ACTN3: variants seen among roughly 807,000 people sequenced by gnomAD.
ACTN3 encodes the protein alpha-actinin-3.
In ACTN3, 91 loss-of-function variants were observed where a neutral mutation model predicts 119.6. The ratio of observed to expected loss-of-function variants is 0.76; its 90% CI spans 0.64 to 0.91. The LOEUF (loss-of-function observed/expected upper bound fraction) is 0.91. Ranked by LOEUF, ACTN3 falls within the 40% of genes least tolerant of loss-of-function variation. The probability of loss-of-function intolerance (pLI) is 0.00; values close to 1 mark genes in which losing one functional copy is unlikely to be tolerated. For missense variants in ACTN3, 1,221 were observed against 1,215.1 expected (o/e 1.00, Z -0.07); for synonymous variants, 456 against 478.8 (o/e 0.95, Z 0.62).
At chr11:66,559,500 T>TA in intron 12 of ACTN3, 114 bp downstream of exon 12, 1 of 1,125,358 alleles carries the variant, frequency 8.9e-7, no homozygotes, top group Non-Finnish European at 1.2e-6. Flanking sequence ...CTGGGTTCTG[T>TA]AACCCCGCCG....
chr11:66,556,421 C>T (rs1300940292), intron 8 of ACTN3, among the ~76,000 whole-genome samples, 191 bp downstream of exon 8: 1 of 152,190 alleles, frequency 6.6e-6, no homozygotes, highest in Non-Finnish European at 1.5e-5. Context: ...CGTGCTCCCC[C>T]AATCCCTTTC....
chr11:66,560,109 G>GGGGGGGGGGGGGGGGGGGGGGGGGGGT, intron 13 of ACTN3, 33 bp downstream of exon 13: 1 of 1,048,650 alleles, frequency 9.5e-7, no homozygotes, highest in Non-Finnish European at 1.4e-6. Context: ...TGGGGGGTGG[G>GGGGGGGGGGGGGGGGGGGGGGGGGGGT]TAGGTGGGTG....
chr11:66,559,486 T>C, intron 12 of ACTN3, 100 bp downstream of exon 12: 1 of 1,206,088 alleles, frequency 8.3e-7, no homozygotes, highest in South Asian at 1.8e-5. Flanking sequence ...GACACTAGGC[T>C]CTCCTGGGTT....
chr11:66,561,341 T>C lies in ACTN3; in HGVS notation c.1975T>C (p.Trp659Arg). Reference sequence around the variant, plus strand: ...GGCCCAGGCCAATGCCATTGGACCCTGGATCCAGGCGAAGGTGGAGGTAAG... The same window carrying C: ...GGCCCAGGCCAATGCCATTGGACCCCGGATCCAGGCGAAGGTGGAGGTAAG... ...FAAQANAIGP[W>R]IQAKVEEVGR... Residue 659 changes from tryptophan to arginine, a missense_variant, in exon 16 of 21, where the codon TGG becomes CGG. By Grantham distance (101) the Trp-to-Arg change is moderately radical. Around this residue, in one of 3 missense-constraint regions of ACTN3, gnomAD observed 934 missense variants for 899.9 expected, o/e 1.04. Coordinates refer to ENST00000513398, the MANE Select transcript of ACTN3 (RefSeq NM_001104.4). The C allele has an allele frequency of 6.2e-7, 1 of 1,611,602 alleles. No homozygotes were observed. The highest frequency in any genetic ancestry group is 8.5e-7 in the Non-Finnish European group (1 of 1,178,912).
chr11:66,560,019 C>T lies in ACTN3; in HGVS notation c.1479C>T (p.Ile493=). 1 of 1,605,266 alleles carries T rather than the reference C, an allele frequency of 6.2e-7. No homozygotes were observed. Among genetic ancestry groups the T allele is most frequent in the South Asian group, 1.1e-5 (1 of 89,382 alleles). Residue 493 remains isoleucine (I), a synonymous_variant, in exon 13 of 21, where the codon ATC becomes ATT. Coordinates refer to ENST00000513398, the MANE Select transcript of ACTN3 (RefSeq NM_001104.4). ...CAGTGAATAGCCGCTGCCAGGCCAT[C>T]TGCGATCAGTGGGACAACCTGGGCA... ...AASVNSRCQA[I]CDQWDNLGTL...
At position 66,554,628 on chromosome 11, in the gene ACTN3, G is replaced by A. The variant is rs1423135468; in HGVS notation, c.557+5G>A. 6.2e-7 allele frequency: 1 copy of A among 1,608,258 alleles called. No individual in the cohort carries two copies. The highest frequency in any genetic ancestry group is 1.3e-5 in the African/African-American group (1 of 74,780). On this transcript the variant is annotated splice_donor_5th_base_variant and intron_variant, in intron 5 of 20. Transcript: ENST00000513398. Reference sequence around the variant, plus strand: ...CGTGCAGAACTTCCACACCAGGTCTGTCAGGTGGTTACCAAATGTGTCTGG... The same window carrying A: ...CGTGCAGAACTTCCACACCAGGTCTATCAGGTGGTTACCAAATGTGTCTGG...
Position 66,558,043 on chromosome 11 carries a change from G to A in ACTN3, c.1145G>A (p.Trp382Ter), listed in dbSNP as rs1439814582. The A allele has an allele frequency of 1.9e-6, 3 of 1,613,896 alleles. No homozygotes were observed. The highest frequency in any genetic ancestry group is 1.7e-5 in the Admixed American group (1 of 60,004). ...GKLVSDIANA[W>*]RGLEQVEKGY... Reference sequence around the variant, plus strand: ...GCTCCACAGGACATCGCCAACGCCTGGCGGGGGCTGGAGCAGGTGGAAAAG... The same window carrying A: ...GCTCCACAGGACATCGCCAACGCCTAGCGGGGGCTGGAGCAGGTGGAAAAG... Residue 382 changes from tryptophan (W) to a stop codon, truncating the protein, a stop_gained, in exon 11 of 21, where the codon TGG becomes TAG. Transcript: ENST00000513398. LOFTEE classifies it high-confidence loss of function.
At chr11:66,556,584 G>A (rs961127346) in intron 8 of ACTN3, among the ~76,000 whole-genome samples, 18 of 151,652 alleles carry the variant, frequency 1.2e-4, no homozygotes, top group Admixed American at 2.0e-4. Context: ...CTACAGGCAC[G>A]TGCTACCACA....
Position 66,547,087 on chromosome 11 carries a change from G to T in ACTN3, c.147+3G>T, listed in dbSNP as rs759633551. 3.3e-6 allele frequency: 5 copies of T among 1,502,282 alleles called. No individual in the cohort carries two copies. The highest frequency in any genetic ancestry group is 4.4e-6 in the Non-Finnish European group (5 of 1,128,542). The allele number at this position is 1,502,282 out of a possible 1,614,324, so 93.1% of individuals were successfully genotyped here. ...CCTGGGAGAAGCAGCAGCGGAAAGT[G>T]AGTGCTCGCCCATTTCCTGACAGCA... On this transcript the variant is annotated splice_donor_region_variant and intron_variant, in intron 1 of 20. Coordinates refer to ENST00000513398, the MANE Select transcript of ACTN3 (RefSeq NM_001104.4).
Position 66,557,865 on chromosome 11 carries a change from T to A in ACTN3, c.1064T>A (p.Leu355Gln), listed in dbSNP as rs373370220. The A allele has an allele frequency of 1.9e-6, 3 of 1,614,114 alleles. No homozygotes were observed. The highest frequency in any genetic ancestry group is 2.5e-6 in the Non-Finnish European group (3 of 1,180,010). Residue 355 changes from leucine (L) to glutamine (Q), a missense_variant, in exon 10 of 21, where the codon CTG becomes CAG. Around this residue, in one of 3 missense-constraint regions of ACTN3, gnomAD observed 934 missense variants for 899.9 expected, o/e 1.04. Coordinates refer to ENST00000513398, the MANE Select transcript of ACTN3 (RefSeq NM_001104.4). ...CAGCTGGAGATCAACTTCAACACAC[T>A]GCAGACCAAGTTGCGGCTCAGCCAC... ...KCQLEINFNT[L>Q]QTKLRLSHRP...
Position 66,559,245 on chromosome 11 carries a change from A to T in ACTN3, c.1286A>T (p.Glu429Val), listed in dbSNP as rs201302484. 2.7e-5 allele frequency: 42 copies of T among 1,546,056 alleles called. No individual in the cohort carries two copies. In the African/African-American group the frequency reaches 5.3e-4, roughly 19 times the overall value. Residue 429 changes from glutamate (E) to valine (V), a missense_variant, in exon 12 of 21, where the codon GAG becomes GTG. Glu to Val is a moderately radical substitution (Grantham distance 121). Coordinates refer to ENST00000513398, the MANE Select transcript of ACTN3 (RefSeq NM_001104.4). ...LHEAWTRGKE[E>V]MLSQRDYDSA... ...GCATCTCTTTGAGCAGGAAAGGAGG[A>T]GATGCTGAGCCAGCGCGACTACGAT...
chr11:66,550,697 G>A (rs1238020927), intron 1 of ACTN3, among the ~76,000 whole-genome samples: 1 of 152,082 alleles, frequency 6.6e-6, no homozygotes, highest in Non-Finnish European at 1.5e-5. Flanking sequence ...GCCAGCTGAC[G>A]CTCCAACAGC....
chr11:66,555,220 C>T lies in ACTN3; in HGVS notation c.636+12C>T, dbSNP rs747930928. ...CCAAACTGCGAAAGGTAGAGGCCCC[C>T]ACCACCCCAGCCCAAGGCCTCTGCC... is the stretch of plus-strand genomic sequence containing the variant. On this transcript the variant is annotated intron_variant, in intron 6 of 20. Transcript: ENST00000513398. 9 of 1,613,850 alleles carry T rather than the reference C, an allele frequency of 5.6e-6. No individual in the cohort carries two copies. In the East Asian group the frequency reaches 6.7e-5, roughly 12 times the overall value.
At chr11:66,557,091 C>T in intron 8 of ACTN3, 42 bp from the exon 9 acceptor site, 1 of 1,534,102 alleles carries the variant, frequency 6.5e-7, no homozygotes, top group African/African-American at 1.4e-5. Flanking sequence ...TTTACAGAAG[C>T]AATTTGCTTT....
intron 8 of ACTN3, 27 bp downstream of exon 8, chr11:66,556,257 G>C: frequency 6.2e-7 from 1 of 1,609,622 alleles, no homozygotes; most frequent in Non-Finnish European, 8.5e-7. Flanking sequence ...GCTGCTGCCT[G>C]GGCTTGTGGA....
intron 1 of ACTN3, among the ~76,000 whole-genome samples, chr11:66,550,615 A>G (rs1418862219): frequency 6.6e-6 from 1 of 152,200 alleles, no homozygotes; most frequent in Non-Finnish European, 1.5e-5. Context: ...CAGGAGCTTG[A>G]GACAAGCCTG....
rs144706748 is a variant in ACTN3 at position 66,563,076 on chromosome 11, C to T, written c.2589C>T (p.Ala863=). Residue 863 remains alanine, a synonymous_variant, in exon 21 of 21, where the codon GCC becomes GCT. Transcript: ENST00000513398. ...TPEELRRELP[A]KQAEYCIRRM... The stretch of plus-strand genomic sequence containing the variant: ...AGGAGCTGCGGCGCGAGCTCCCTGC[C>T]AAGCAGGCCGAGTACTGCATCCGCC... 16 of 1,612,978 alleles carry T rather than the reference C, an allele frequency of 9.9e-6. No individual in the cohort carries two copies. The African/African-American group carries it at 1.5e-4, about 15-fold the overall frequency.
At position 66,562,781 on chromosome 11, in the gene ACTN3, C is replaced by G; in HGVS notation, c.2389-15C>G. 2 of 1,594,962 alleles carry G rather than the reference C, an allele frequency of 1.3e-6. No individual in the cohort carries two copies. The highest frequency in any genetic ancestry group is 1.7e-6 in the Non-Finnish European group (2 of 1,169,134). On this transcript the variant is annotated splice_polypyrimidine_tract_variant and intron_variant, in intron 19 of 20. Transcript: ENST00000513398. ...TAGTGCTCATGGGCATAGTGCCTGG[C>G]CTCTATCCCTGCAGGGGGAAGTGGA...
At chr11:66,552,817 A>G (rs907514587) in intron 3 of ACTN3, among the ~76,000 whole-genome samples, 9 of 148,042 alleles carry the variant, frequency 6.1e-5, no homozygotes, top group African/African-American at 2.3e-4. Context: ...AGATTGCACC[A>G]TTGCACTCCA....
Sources: gnomAD v4.1 joint callset for allele counts (sites outside exome capture counted in the v4.1 genomes callset) on GRCh38, gnomAD v4.1.1 for gene constraint, gnomAD v4.1.1 regional missense constraint, MANE v1.5 for transcripts, NCBI Gene and HGNC (gene_info 2026-07-23, HGNC 2026-07-21) for gene names.